MEX3D: variants seen among roughly 807,000 people sequenced by gnomAD.
MEX3D encodes the protein mex-3 RNA binding family member D.
Under a neutral mutation model 6.3 loss-of-function variants are expected in MEX3D, and 4 were observed. That is an observed-to-expected ratio of 0.64 (90% CI 0.31 to 1.46). The LOEUF (loss-of-function observed/expected upper bound fraction) is 1.46, where lower values mean the gene tolerates loss of function less well. MEX3D is among the 40% of genes most tolerant of loss of function. The pLI is 0.07. For missense variants in MEX3D, 1,038 were observed against 994.4 expected (o/e 1.04, Z -0.59); for synonymous variants, 626 against 494.1 (o/e 1.27, Z -3.54).
At chr19:1,557,665 C>G (rs1198973561) in intron 1 of MEX3D, among the ~76,000 whole-genome samples, 1 of 150,512 alleles carries the variant, frequency 6.6e-6, no homozygotes, top group African/African-American at 2.4e-5. Context: ...TCAAGACCAG[C>G]CTGGCCAACA....
intron 1 of MEX3D, among the ~76,000 whole-genome samples, chr19:1,560,097 C>T (rs542389741): frequency 6.6e-6 from 1 of 152,298 alleles, no homozygotes; most frequent in South Asian, 2.1e-4. Flanking sequence ...GGGATTCCCT[C>T]GGCACTTGGG....
intron 1 of MEX3D, among the ~76,000 whole-genome samples, chr19:1,565,622 G>A (rs760195407): frequency 6.6e-6 from 1 of 152,198 alleles, no homozygotes; most frequent in Non-Finnish European, 1.5e-5. Context: ...ATCACAGAGA[G>A]GGGCCGTCAT....
Position 1,562,613 on chromosome 19 carries a change from G to A in MEX3D, c.595+4851C>T, listed in dbSNP as rs147579356. On this transcript the variant is annotated intron_variant, in intron 1 of 1. Transcript: ENST00000402693. ...CTTGGGAGGCAGAGGTGGGAGGATCGTCTGAGCCCAGGAGGTTGAGGCTGC... is the reference window on the plus strand; with the variant it reads ...CTTGGGAGGCAGAGGTGGGAGGATCATCTGAGCCCAGGAGGTTGAGGCTGC... Among the ~76,000 whole-genome samples, 831 of 152,266 alleles carry A rather than the reference G, an allele frequency of 5.5e-3. 9 individuals are homozygous for A. The highest frequency in any genetic ancestry group is 0.019 in the African/African-American group (772 of 41,534).
At chr19:1,557,043 AAC>A in intron 1 of MEX3D, 120 bp from the exon 2 acceptor site, 5 of 1,226,824 alleles carry the variant, frequency 4.1e-6, no homozygotes, top group Non-Finnish European at 5.6e-6. Context: ...TGTGCCCAAC[AAC>A]ACTTTATCCT....
Position 1,568,154 on chromosome 19 carries a change from C to T in MEX3D, c.-96G>A. On this transcript the variant is annotated 5_prime_UTR_variant, in exon 1 of 2. Transcript: ENST00000402693. ...CTCTGCGAGCTGGGCCGCCGGCCGCCTGCATCCAGCGGCGGGGGCGGGCAC... is the reference window on the plus strand; with the variant it reads ...CTCTGCGAGCTGGGCCGCCGGCCGCTTGCATCCAGCGGCGGGGGCGGGCAC... 1.0e-6 allele frequency: 1 copy of T among 969,506 alleles called. No homozygotes were observed. Among genetic ancestry groups the T allele is most frequent in the Non-Finnish European group, 1.2e-6 (1 of 820,188 alleles). 60.1% of individuals were successfully genotyped at this position (969,506 alleles called of 1,614,324 possible). A position where few individuals can be genotyped will look rare whatever the true frequency, so the allele number is the denominator to read the frequency against.
intron 1 of MEX3D, among the ~76,000 whole-genome samples, chr19:1,565,057 G>C (rs1914806722): frequency 1.3e-5 from 2 of 152,076 alleles, no homozygotes; most frequent in Non-Finnish European, 2.9e-5. Flanking sequence ...CTCCACTTAT[G>C]GGGTGGCCAC....
At chr19:1,557,557 C>A (rs545840710) in intron 1 of MEX3D, among the ~76,000 whole-genome samples, 32 of 136,930 alleles carry the variant, frequency 2.3e-4, no homozygotes, top group African/African-American at 8.3e-4. Context: ...CAAAGCAAGA[C>A]TCCAACTAAA....
Position 1,556,287 on chromosome 19 carries a change from C to A in MEX3D, c.1232G>T (p.Gly411Val), listed in dbSNP as rs1439853795. ...APEAFYAGSRGGPSVPDPGPA... is the reference protein window; with the variant it reads ...APEAFYAGSRVGPSVPDPGPA... ...GCCTGGGTCCGGCACGGAGGGGCCG[C>A]CGCGGCTGCCCGCGTAGAAGGCCTC... Residue 411 changes from glycine (G) to valine (V), a missense_variant, in exon 2 of 2, where the codon GGC (glycine) becomes GTC (valine). Coordinates refer to ENST00000402693, the MANE Select transcript of MEX3D (RefSeq NM_203304.4). The surrounding 1 kb of genome is among the most constrained non-coding windows in gnomAD (Gnocchi z 7.5). 7.8e-7 allele frequency: 1 copy of A among 1,275,258 alleles called. No homozygotes were observed. The highest frequency in any genetic ancestry group is 9.9e-7 in the Non-Finnish European group (1 of 1,012,948). 79.0% of individuals were successfully genotyped at this position (1,275,258 alleles called of 1,614,324 possible).
chr19:1,563,462 C>T (rs1045798003), intron 1 of MEX3D, among the ~76,000 whole-genome samples: 15 of 152,212 alleles, frequency 9.9e-5, no homozygotes, highest in African/African-American at 2.9e-4. Context: ...TGTGTACAGG[C>T]CCTGGCAAGA....
In MEX3D at chr19:1,555,706, C is replaced by T. The variant is rs1423794918; in HGVS notation, c.1813G>A (p.Glu605Lys). 1.9e-6 allele frequency: 3 copies of T among 1,552,338 alleles called. No homozygotes were observed. The highest frequency in any genetic ancestry group is 1.2e-5 in the South Asian group (1 of 84,748). ...ACCAGCGCAGCCATCACCTCGCCCT[C>T]GGCGCACACCACGCACTCTCGCGCC... ...ALARECVVCAEGEVMAALVPC... is the reference protein window; with the variant it reads ...ALARECVVCAKGEVMAALVPC... Residue 605 changes from glutamate to lysine, a missense_variant, in exon 2 of 2, where the codon GAG (glutamate) becomes AAG (lysine). Coordinates refer to ENST00000402693, the MANE Select transcript of MEX3D (RefSeq NM_203304.4).
At chr19:1,561,008 C>T (rs888926037) in intron 1 of MEX3D, among the ~76,000 whole-genome samples, 3 of 152,222 alleles carry the variant, frequency 2.0e-5, no homozygotes, top group Non-Finnish European at 2.9e-5. Flanking sequence ...AATGCAGATT[C>T]GTGGGCCATG....
In MEX3D at chr19:1,556,660, G is replaced by T; in HGVS notation, c.859C>A (p.Leu287Met). 6.2e-7 allele frequency: 1 copy of T among 1,610,762 alleles called. No individual in the cohort carries two copies. Among genetic ancestry groups the T allele is most frequent in the Non-Finnish European group, 8.5e-7 (1 of 1,179,096 alleles). Residue 287 changes from leucine (L) to methionine (M), a missense_variant, in exon 2 of 2, where the codon CTG becomes ATG. Leu to Met is a conservative substitution (Grantham distance 15, BLOSUM62 2). This residue lies in a region of MEX3D where 65 missense variants were observed against 109.3 expected (regional missense o/e 0.59). Coordinates refer to ENST00000402693, the MANE Select transcript of MEX3D (RefSeq NM_203304.4). The surrounding 1 kb of genome is among the most constrained non-coding windows in gnomAD (Gnocchi z 7.5). ...GTGGCGCCCTTGGGCCCCACCACCA[G>T]CCCCACCACCCGGTAGGGCACGCGC... The part of the protein sequence containing the change: ...QVRVPYRVVG[L>M]VVGPKGATIK...
At chr19:1,560,939 G>A (rs1914701919) in intron 1 of MEX3D, among the ~76,000 whole-genome samples, 2 of 152,230 alleles carry the variant, frequency 1.3e-5, no homozygotes, top group Admixed American at 1.3e-4. Flanking sequence ...AGCGAGGCTA[G>A]AGGGACAGGA....
At chr19:1,563,625 G>C (rs1327165831) in intron 1 of MEX3D, among the ~76,000 whole-genome samples, 1 of 152,156 alleles carries the variant, frequency 6.6e-6, no homozygotes, top group Non-Finnish European at 1.5e-5. Context: ...AGCAGGAGCA[G>C]GGCCGGAGGT....
rs1014613593 is a variant in MEX3D, at chr19:1,555,918, G to C, written c.1601C>G (p.Ala534Gly). 1.7e-6 allele frequency: 2 copies of C among 1,201,064 alleles called. No homozygotes were observed. The highest frequency in any genetic ancestry group is 9.3e-5 in the Admixed American group (2 of 21,598). 74.4% of individuals were successfully genotyped at this position (1,201,064 alleles called of 1,614,324 possible). Residue 534 changes from alanine (A) to glycine (G), a missense_variant, in exon 2 of 2, where the codon GCC becomes GGC. Coordinates refer to ENST00000402693, the MANE Select transcript of MEX3D (RefSeq NM_203304.4). ...RLELPLSRRG[A>G]PDPVGALSWR... ...GGACAGCGCGCCCACCGGGTCCGGG[G>C]CGCCACGGCGAGACAGCGGGAGCTC...
Position 1,555,279 on chromosome 19 carries a change from T to TA in MEX3D, c.*283dup, listed in dbSNP as rs932883704. 179 of 1,536,548 alleles carry TA rather than the reference T, an allele frequency of 1.2e-4. No homozygotes were observed. The African/African-American group carries it at 1.9e-3, about 17-fold the overall frequency. ...GAGGGGTGTCTAAAAATAAGAAAAC[T>TA]AAAAAAAGTGCAAGCGGACCTTTTC... On this transcript the variant is annotated 3_prime_UTR_variant, in exon 2 of 2. Coordinates refer to ENST00000402693, the MANE Select transcript of MEX3D (RefSeq NM_203304.4).
chr19:1,562,178 G>A (rs1029968654), intron 1 of MEX3D, among the ~76,000 whole-genome samples: 4 of 146,002 alleles, frequency 2.7e-5, no homozygotes, highest in South Asian at 2.2e-4. Flanking sequence ...GAAGAATGGC[G>A]TGAACCTGGG....
chr19:1,560,358 G>A (rs907618420), intron 1 of MEX3D, among the ~76,000 whole-genome samples: 11 of 152,232 alleles, frequency 7.2e-5, no homozygotes, highest in Non-Finnish European at 1.0e-4. Context: ...TGGAGGCTCC[G>A]CTGGCCCTGC....
At chr19:1,562,424 C>T (rs1415700638) in intron 1 of MEX3D, among the ~76,000 whole-genome samples, 1 of 151,592 alleles carries the variant, frequency 6.6e-6, no homozygotes, top group East Asian at 1.9e-4. Context: ...ACTCGGGAGG[C>T]TGAGGCAGGA....
Sources: gnomAD v4.1 joint callset for allele counts (sites outside exome capture counted in the v4.1 genomes callset) on GRCh38, gnomAD v4.1.1 for gene constraint, gnomAD v4.1.1 regional missense constraint, Gnocchi (gnomAD v3.1) non-coding constraint, MANE v1.5 for transcripts, NCBI Gene and HGNC (gene_info 2026-07-23, HGNC 2026-07-21) for gene names.